Variants in GALNT13 observed in about 807,000 individuals in gnomAD.
The protein encoded by GALNT13 is UDP-GalNAc:polypeptide N-acetylgalactosaminyltransferase 13.
GALNT13 carries 28 observed loss-of-function variants against 64.2 expected under a neutral mutation model. The observed-to-expected ratio is 0.44, with a 90% CI of 0.32 to 0.60. The LOEUF (loss-of-function observed/expected upper bound fraction) is 0.60, where lower values mean the gene tolerates loss of function less well. Ranked by LOEUF, GALNT13 falls within the 20% of genes least tolerant of loss-of-function variation. The probability of loss-of-function intolerance (pLI) is 0.05; values close to 1 mark genes in which losing one functional copy is unlikely to be tolerated. For missense variants in GALNT13, 577 were observed against 669.8 expected, an observed-to-expected ratio of 0.86 and a Z score of 1.53; for synonymous variants, 214 against 224.6, an observed-to-expected ratio of 0.95 and a Z score of 0.42.
At chr2:153,222,307 T>TGG in the GALNT13 span, among the ~76,000 whole-genome samples, 5 of 6,322 alleles carry the variant, frequency 7.9e-4, no homozygotes, top group Admixed American at 2.4e-3. Flanking sequence ...TGAGTCTGGC[T>TGG]GGGGGGGGGG....
chr2:153,825,484 G>C, the GALNT13 span, among the ~76,000 whole-genome samples: 1 of 152,062 alleles, frequency 6.6e-6, no homozygotes, highest in Non-Finnish European at 1.5e-5. Flanking sequence ...ATAGATTAGC[G>C]CAGTGCAAAA....
chr2:153,677,284 T>TAC, the GALNT13 span, among the ~76,000 whole-genome samples: 2,489 of 144,658 alleles, frequency 0.017, 29 homozygotes, highest in African/African-American at 0.028. Context: ...ACAATAGACA[T>TAC]ACACACACAC....
the GALNT13 span, among the ~76,000 whole-genome samples, chr2:153,072,848 C>G: frequency 6.6e-6 from 1 of 152,168 alleles, no homozygotes; most frequent in Non-Finnish European, 1.5e-5. Context: ...TCCAGGGACT[C>G]TTTGCTGTTT....
chr2:153,678,147 C>T, the GALNT13 span, among the ~76,000 whole-genome samples: 25 of 119,628 alleles, frequency 2.1e-4, no homozygotes, highest in South Asian at 4.9e-4. Flanking sequence ...TCTATGCATC[C>T]GACAAATGAA....
intron 3 of GALNT13, among the ~76,000 whole-genome samples, chr2:153,973,778 G>T (rs971845689): frequency 6.6e-6 from 1 of 151,932 alleles, no homozygotes; most frequent in African/African-American, 2.4e-5. Flanking sequence ...GTTCTTTGAA[G>T]ATATTTAAGT....
intron 3 of GALNT13, among the ~76,000 whole-genome samples, chr2:153,955,336 T>G (rs2105412863): frequency 6.6e-6 from 1 of 152,246 alleles, no homozygotes; most frequent in East Asian, 1.9e-4. Flanking sequence ...AAGCACCAAA[T>G]AAACTTGAAT....
At chr2:153,069,263 T>C in the GALNT13 span, among the ~76,000 whole-genome samples, 32,210 of 152,132 alleles carry the variant, frequency 0.21, 3,894 homozygotes, top group Non-Finnish European at 0.28. Context: ...CACTTTTCTG[T>C]TGTCCTTTCT....
Position 153,935,135 on chromosome 2 carries a change from C to T in GALNT13, c.-104-9259C>T, listed in dbSNP as rs182667977. 1.8e-4 allele frequency among the ~76,000 whole-genome samples: 27 copies of T among 152,178 alleles called. No individual in the cohort carries two copies. In the East Asian group the frequency reaches 3.3e-3, roughly 19 times the overall value. ...ACTTTACTCATGTTTCCCTGTGGTC[C>T]GGGACTCAGTCACTGTAAATAAGTC... On this transcript the variant is annotated intron_variant, in intron 2 of 12. Coordinates refer to ENST00000392825, the MANE Select transcript of GALNT13 (RefSeq NM_052917.4).
At chr2:154,355,555 G>A (rs568057482) in intron 9 of GALNT13, among the ~76,000 whole-genome samples, 2 of 152,010 alleles carry the variant, frequency 1.3e-5, no homozygotes, top group South Asian at 2.1e-4. Context: ...GATTCCAAGG[G>A]ACTAAGATAT....
the GALNT13 span, among the ~76,000 whole-genome samples, chr2:153,652,198 G>A: frequency 6.6e-6 from 1 of 151,744 alleles, no homozygotes; most frequent in African/African-American, 2.4e-5. Flanking sequence ...TATATCTTAG[G>A]GTTTAAACAA....
chr2:154,005,714 A>T (rs1396793418), intron 3 of GALNT13, among the ~76,000 whole-genome samples: 1 of 150,288 alleles, frequency 6.7e-6, no homozygotes, highest in Non-Finnish European at 1.5e-5. Context: ...ACTTCGATTT[A>T]TTTTTTTTTT....
chr2:154,322,986 G>A (rs187381596), intron 9 of GALNT13, among the ~76,000 whole-genome samples: 23 of 151,896 alleles, frequency 1.5e-4, no homozygotes, highest in African/African-American at 5.6e-4. Flanking sequence ...TAATCTCGGG[G>A]TACTCAGATA....
the GALNT13 span, among the ~76,000 whole-genome samples, chr2:153,600,961 C>T: frequency 7.9e-5 from 12 of 151,972 alleles, no homozygotes; most frequent in South Asian, 1.0e-3. Flanking sequence ...AGAGGCACAT[C>T]CTAACTCATA....
At chr2:153,339,330 C>G in the GALNT13 span, among the ~76,000 whole-genome samples, 1 of 152,146 alleles carries the variant, frequency 6.6e-6, no homozygotes, top group African/African-American at 2.4e-5. Flanking sequence ...GAGACAATAT[C>G]TCAATGTGGT....
At chr2:153,598,163 A>G in the GALNT13 span, among the ~76,000 whole-genome samples, 1 of 152,104 alleles carries the variant, frequency 6.6e-6, no homozygotes, top group African/African-American at 2.4e-5. Flanking sequence ...ATGGCTTCCT[A>G]TTGCACTTTG....
At chr2:153,533,498 G>A in the GALNT13 span, among the ~76,000 whole-genome samples, 207 of 151,840 alleles carry the variant, frequency 1.4e-3, 1 homozygote, top group East Asian at 0.037. Flanking sequence ...GTGATCCACC[G>A]CCTCATCCTC....
the GALNT13 span, among the ~76,000 whole-genome samples, chr2:153,849,303 A>C: frequency 1.3e-5 from 2 of 152,196 alleles, no homozygotes; most frequent in South Asian, 4.1e-4. Flanking sequence ...CAAACAACAT[A>C]CTGAATAGTG....
chr2:154,311,264 C>T (rs984926586), intron 9 of GALNT13, among the ~76,000 whole-genome samples: 3 of 151,928 alleles, frequency 2.0e-5, no homozygotes, highest in African/African-American at 7.3e-5. Context: ...GGGTCCTGCC[C>T]CGATAATCAC....
chr2:153,171,809 T>G, the GALNT13 span, among the ~76,000 whole-genome samples: 1 of 152,194 alleles, frequency 6.6e-6, no homozygotes, highest in African/African-American at 2.4e-5. Flanking sequence ...TCTGTACTAT[T>G]TAAGCCAAAT....
Sources: allele counts gnomAD v4.1 joint callset (sites outside exome capture counted in the v4.1 genomes callset), GRCh38; gene constraint gnomAD v4.1.1; transcripts MANE v1.5; gene names NCBI Gene and HGNC (gene_info 2026-07-23, HGNC 2026-07-21).